Variants in LRFN5 observed in about 807,000 individuals in gnomAD.
LRFN5 encodes the protein leucine rich repeat and fibronectin type III domain containing 5.
A neutral mutation model predicts 45.6 loss-of-function variants in LRFN5; 24 were observed. The observed-to-expected ratio is 0.53, with a 90% confidence interval of 0.38 to 0.74. The LOEUF is 0.74. LRFN5 is among the 30% of genes least tolerant of loss of function. The pLI, the probability that LRFN5 is intolerant of heterozygous loss-of-function variation, is 0.00. For synonymous variants in LRFN5, 340 were observed against 313.8 expected (o/e 1.08, Z -0.88); for missense variants, 776 against 861.5 (o/e 0.90, Z 1.24).
At chr14:41,840,095 G>A (rs370456011) in intron 2 of LRFN5, among the ~76,000 whole-genome samples, 91 of 152,094 alleles carry the variant, frequency 6.0e-4, no homozygotes, top group African/African-American at 1.3e-3. Flanking sequence ...GGAAATTTTC[G>A]TTAATTAAAG....
At position 41,777,792 on chromosome 14, in the gene LRFN5, A is replaced by G. The variant is rs189650029; in HGVS notation, c.-21+10763A>G. Reference sequence around the variant, plus strand: ...TTGGATATATACACTGTAAAACTGCAGAAGCACAATTGTCCCTTTTATTAT... The same window carrying G: ...TTGGATATATACACTGTAAAACTGCGGAAGCACAATTGTCCCTTTTATTAT... On this transcript the variant is annotated intron_variant, in intron 2 of 5. Coordinates refer to ENST00000298119, the MANE Select transcript of LRFN5 (RefSeq NM_152447.5). Among the ~76,000 whole-genome samples the G allele has an allele frequency of 2.1e-3, 323 of 151,906 alleles. 3 individuals are homozygous for G. Among genetic ancestry groups the G allele is most frequent in the African/African-American group, 7.5e-3 (311 of 41,568 alleles).
At chr14:41,739,691 G>C (rs943288993) in intron 1 of LRFN5, among the ~76,000 whole-genome samples, 1 of 151,532 alleles carries the variant, frequency 6.6e-6, no homozygotes, top group African/African-American at 2.4e-5. Context: ...AAACGTAGTG[G>C]AAGGAAGTAA....
At chr14:41,646,747 T>C (rs1363730839) in intron 1 of LRFN5, among the ~76,000 whole-genome samples, 1 of 152,238 alleles carries the variant, frequency 6.6e-6, no homozygotes, top group Non-Finnish European at 1.5e-5. Flanking sequence ...CAATGCTCAC[T>C]GGTACTAAGG....
intron 1 of LRFN5, among the ~76,000 whole-genome samples, chr14:41,695,238 T>A (rs998025381): frequency 4.0e-5 from 6 of 151,854 alleles, no homozygotes; most frequent in African/African-American, 1.4e-4. Context: ...AGAAGAGAAG[T>A]TTGAAGCTAG....
At chr14:41,823,079 T>TAA (rs201573708) in intron 2 of LRFN5, among the ~76,000 whole-genome samples, 3 of 151,422 alleles carry the variant, frequency 2.0e-5, no homozygotes, top group African/African-American at 7.3e-5. Flanking sequence ...GAATCTTTTT[T>TAA]AAAAAAAAAT....
intron 2 of LRFN5, among the ~76,000 whole-genome samples, chr14:41,772,761 C>T (rs565671832): frequency 2.1e-4 from 32 of 152,236 alleles, no homozygotes; most frequent in Non-Finnish European, 4.0e-4. Context: ...GCTCAGTATA[C>T]GGCTCACCAT....
chr14:41,711,711 A>C (rs1883291309), intron 1 of LRFN5, among the ~76,000 whole-genome samples: 1 of 152,212 alleles, frequency 6.6e-6, no homozygotes. Flanking sequence ...CGTTTCACAG[A>C]TAAACTGTTA....
At chr14:41,857,141 C>A (rs114917798) in intron 2 of LRFN5, among the ~76,000 whole-genome samples, 2,381 of 152,012 alleles carry the variant, frequency 0.016, 64 homozygotes, top group African/African-American at 0.055. Flanking sequence ...TATCTAAGAA[C>A]CTTATAAGTG....
chr14:41,839,238 C>T (rs556178107), intron 2 of LRFN5, among the ~76,000 whole-genome samples: 3 of 152,090 alleles, frequency 2.0e-5, no homozygotes, highest in East Asian at 1.9e-4. Flanking sequence ...GAGTAGAAAT[C>T]GAAGTGAACA....
chr14:41,661,251 G>T (rs1880639877), intron 1 of LRFN5, among the ~76,000 whole-genome samples: 1 of 151,738 alleles, frequency 6.6e-6, no homozygotes. Flanking sequence ...ATTGTCACTA[G>T]TAGAAAAGAT....
intron 2 of LRFN5, among the ~76,000 whole-genome samples, chr14:41,845,638 T>A (rs1033064125): frequency 6.6e-6 from 1 of 152,168 alleles, no homozygotes; most frequent in Non-Finnish European, 1.5e-5. Flanking sequence ...GAGAACCTAG[T>A]TCTTTTCTAG....
At position 41,887,021 on chromosome 14, in the gene LRFN5, C is replaced by T. The variant is rs1273208191; in HGVS notation, c.396C>T (p.Asn132=). 6.2e-7 allele frequency: 1 copy of T among 1,614,144 alleles called. No individual in the cohort carries two copies. Among genetic ancestry groups the T allele is most frequent in the Admixed American group, 1.7e-5 (1 of 60,022 alleles). ...ATCTTCATCATTTGATACTGAACAACAATCAGCTGACTTTAATTTCCTCTA... is the reference window on the plus strand; with the variant it reads ...ATCTTCATCATTTGATACTGAACAATAATCAGCTGACTTTAATTTCCTCTA... ...LSNLHHLILN[N]NQLTLISSTA... Residue 132 remains asparagine (N), a synonymous_variant, in exon 3 of 6, where the codon AAC becomes AAT. Coordinates refer to ENST00000298119, the MANE Select transcript of LRFN5 (RefSeq NM_152447.5). This position sits in a 1 kb window ranked among gnomAD's most constrained non-coding sequence, Gnocchi z 4.8.
intron 1 of LRFN5, among the ~76,000 whole-genome samples, chr14:41,649,458 G>T (rs1339784880): frequency 1.3e-5 from 2 of 151,970 alleles, no homozygotes; most frequent in Non-Finnish European, 2.9e-5. Context: ...TAATAAAATG[G>T]TATAAGTATA....
chr14:41,872,340 A>T (rs1482218799), intron 2 of LRFN5, among the ~76,000 whole-genome samples: 1 of 152,220 alleles, frequency 6.6e-6, no homozygotes, highest in Non-Finnish European at 1.5e-5. Context: ...TAAAGTATCT[A>T]TAGACATATA....
intron 2 of LRFN5, among the ~76,000 whole-genome samples, chr14:41,875,120 A>G (rs1320318386): frequency 6.6e-6 from 1 of 152,236 alleles, no homozygotes. Context: ...GATTAATTGT[A>G]CTTATCTCCT....
rs976694618 is a variant in LRFN5 at position 41,829,158 on chromosome 14, C to T, written c.-20-57448C>T. 3.3e-5 allele frequency among the ~76,000 whole-genome samples: 5 copies of T among 152,052 alleles called. No homozygotes were observed. In the South Asian group the frequency reaches 1.0e-3, roughly 31 times the overall value. On this transcript the variant is annotated intron_variant, in intron 2 of 5. Transcript: ENST00000298119. ...TCTTTATATGTCATTTGCATAATTA[C>T]ATGTTTAATATTTGTCACCTCCACC...
intron 1 of LRFN5, among the ~76,000 whole-genome samples, chr14:41,756,428 A>T (rs182247545): frequency 1.0e-3 from 152 of 152,176 alleles, no homozygotes; most frequent in Non-Finnish European, 1.5e-3. Flanking sequence ...TGACCTTTTC[A>T]CATAGTCCCA....
intron 1 of LRFN5, among the ~76,000 whole-genome samples, chr14:41,709,750 T>C (rs192890025): frequency 8.5e-5 from 13 of 152,162 alleles, no homozygotes; most frequent in Admixed American, 8.5e-4. Context: ...ATAGGAAATA[T>C]AAAAGATAAT....
chr14:41,825,078 C>A (rs1888247316), intron 2 of LRFN5, among the ~76,000 whole-genome samples: 1 of 152,160 alleles, frequency 6.6e-6, no homozygotes, highest in Non-Finnish European at 1.5e-5. Flanking sequence ...TTTGTTAGCC[C>A]AGAACAGATA....
Sources: gnomAD v4.1 joint callset for allele counts (sites outside exome capture counted in the v4.1 genomes callset) on GRCh38, gnomAD v4.1.1 for gene constraint, Gnocchi (gnomAD v3.1) non-coding constraint, MANE v1.5 for transcripts, NCBI Gene and HGNC (gene_info 2026-07-23, HGNC 2026-07-21) for gene names.